Variants in TAFA1 observed in about 807,000 individuals in gnomAD.
TAFA1 encodes chemokine-like protein TAFA-1.
A neutral mutation model predicts 18.5 loss-of-function variants in TAFA1; 4 were observed. That is an observed-to-expected ratio of 0.22 (90% CI 0.11 to 0.49). The LOEUF (loss-of-function observed/expected upper bound fraction) is 0.49. TAFA1 is among the 20% of genes least tolerant of loss of function. The pLI is 0.98. For missense variants in TAFA1, 147 were observed against 169.0 expected, an observed-to-expected ratio of 0.87 and a Z score of 0.72; for synonymous variants, 56 against 55.2, an observed-to-expected ratio of 1.01 and a Z score of -0.06.
At chr3:68,204,527 A>G (rs1023744952) in intron 2 of TAFA1, among the ~76,000 whole-genome samples, 1 of 151,708 alleles carries the variant, frequency 6.6e-6, no homozygotes, top group Non-Finnish European at 1.5e-5. Context: ...GAGGGAGGGA[A>G]GGGATTTTTT....
At chr3:68,248,102 T>C (rs1363070659) in intron 2 of TAFA1, among the ~76,000 whole-genome samples, 1 of 152,196 alleles carries the variant, frequency 6.6e-6, no homozygotes. Flanking sequence ...GTTTAGACTT[T>C]GAGAATAGGG....
intron 2 of TAFA1, among the ~76,000 whole-genome samples, chr3:68,243,635 C>G (rs2067031039): frequency 6.6e-6 from 1 of 152,068 alleles, no homozygotes; most frequent in African/African-American, 2.4e-5. Context: ...TAGTTCATTT[C>G]TTTTTATGGC....
intron 2 of TAFA1, among the ~76,000 whole-genome samples, chr3:68,312,911 T>C (rs1287486607): frequency 3.3e-5 from 5 of 152,184 alleles, no homozygotes. Context: ...GACTTACAGT[T>C]CCACATGGCT....
At chr3:68,111,249 A>T (rs72922426) in intron 2 of TAFA1, among the ~76,000 whole-genome samples, 6,246 of 152,246 alleles carry the variant, frequency 0.041, 395 homozygotes, top group African/African-American at 0.14. Flanking sequence ...CTGACTTTTC[A>T]ACCGAAATAA....
At chr3:68,391,112 G>A (rs1269525201) in intron 2 of TAFA1, among the ~76,000 whole-genome samples, 1 of 152,108 alleles carries the variant, frequency 6.6e-6, no homozygotes, top group African/African-American at 2.4e-5. Flanking sequence ...TAAGAACCTT[G>A]ATAAAAGGTT....
intron 3 of TAFA1, among the ~76,000 whole-genome samples, chr3:68,434,249 G>C (rs17047725): frequency 0.04 from 6,034 of 152,110 alleles, 155 homozygotes; most frequent in East Asian, 0.091. Flanking sequence ...ACTTGAGATT[G>C]GTGTGGACTA....
intron 3 of TAFA1, among the ~76,000 whole-genome samples, chr3:68,519,268 T>C (rs2072977834): frequency 6.6e-6 from 1 of 152,302 alleles, no homozygotes; most frequent in Non-Finnish European, 1.5e-5. Flanking sequence ...CTTTCTGCCA[T>C]GTAAGGATAC....
Position 68,006,618 on chromosome 3 carries a change from C to T in TAFA1, c.-3-6C>T, listed in dbSNP as rs764710647. 8 of 1,604,680 alleles carry T rather than the reference C, an allele frequency of 5.0e-6. 1 individual carries two copies. The South Asian group carries it at 5.5e-5, about 11-fold the overall frequency. On this transcript the variant is annotated splice_polypyrimidine_tract_variant and splice_region_variant and intron_variant, in intron 1 of 4. Transcript: ENST00000478136. ...GGTAACCTTTCCTGTCGAATGTTCT[C>T]TTTAGAGAATGGCAATGGTCTCTGC... is the stretch of plus-strand genomic sequence containing the variant.
intron 2 of TAFA1, among the ~76,000 whole-genome samples, chr3:68,323,259 C>T (rs1283491376): frequency 1.3e-5 from 2 of 152,142 alleles, no homozygotes; most frequent in Non-Finnish European, 2.9e-5. Context: ...AGGATTTATG[C>T]AGCCACCTGT....
chr3:68,429,442 G>T (rs2071124306), intron 3 of TAFA1, among the ~76,000 whole-genome samples: 1 of 151,860 alleles, frequency 6.6e-6, no homozygotes, highest in African/African-American at 2.4e-5. Flanking sequence ...ACATGGTAGG[G>T]ATAGACATGG....
intron 2 of TAFA1, among the ~76,000 whole-genome samples, chr3:68,287,510 A>AT (rs1218597804): frequency 4.6e-5 from 7 of 152,086 alleles, no homozygotes; most frequent in Non-Finnish European, 1.0e-4. Context: ...GACAGGGAGC[A>AT]TTAAGCACCA....
At chr3:68,461,714 C>A (rs1478151713) in intron 3 of TAFA1, among the ~76,000 whole-genome samples, 1 of 151,352 alleles carries the variant, frequency 6.6e-6, no homozygotes, top group Non-Finnish European at 1.5e-5. Flanking sequence ...GCCTGTAGTC[C>A]CAGTTGTCTT....
chr3:68,532,348 A>G (rs747302678), intron 3 of TAFA1, among the ~76,000 whole-genome samples: 15 of 152,158 alleles, frequency 9.9e-5, no homozygotes, highest in Non-Finnish European at 1.8e-4. Flanking sequence ...ATCTGGGAGC[A>G]CTCTCAGAAA....
chr3:68,516,673 G>A (rs9846667), intron 3 of TAFA1, among the ~76,000 whole-genome samples: 32,182 of 152,124 alleles, frequency 0.21, 3,612 homozygotes, highest in Admixed American at 0.25. Flanking sequence ...GGAATGTTTC[G>A]TTGTGTTCAG....
chr3:68,286,072 G>A (rs1159929296), intron 2 of TAFA1, among the ~76,000 whole-genome samples: 5 of 151,872 alleles, frequency 3.3e-5, no homozygotes, highest in Admixed American at 6.6e-5. Flanking sequence ...TTAGCTGGGC[G>A]TGGTGGCATG....
chr3:68,142,751 C>G (rs1268501449), intron 2 of TAFA1, among the ~76,000 whole-genome samples: 1 of 152,176 alleles, frequency 6.6e-6, no homozygotes, highest in Non-Finnish European at 1.5e-5. Context: ...AATTGCTCAG[C>G]TCTGAATCTC....
At chr3:68,037,354 G>A (rs763200618) in intron 2 of TAFA1, among the ~76,000 whole-genome samples, 49 of 152,264 alleles carry the variant, frequency 3.2e-4, no homozygotes, top group East Asian at 1.5e-3. Context: ...TCATGTCGAA[G>A]AATTTGTACT....
At chr3:68,264,906 C>A (rs968095231) in intron 2 of TAFA1, among the ~76,000 whole-genome samples, 3 of 151,976 alleles carry the variant, frequency 2.0e-5, no homozygotes, top group South Asian at 2.1e-4. Context: ...GTTTTTTAAA[C>A]AAATTTACAT....
Position 68,486,102 on chromosome 3 carries a change from GTTTTATTTTA to G in TAFA1, c.260-52619_260-52610del, listed in dbSNP as rs528561242. Among the ~76,000 whole-genome samples the G allele has an allele frequency of 1.6e-3, 195 of 121,324 alleles. 1 individual carries two copies. The highest frequency in any genetic ancestry group is 4.9e-3 in the South Asian group (18 of 3,676). The allele number at this position is 121,324 out of a possible 152,430, so 79.6% of individuals were successfully genotyped here. ...ATTTTATTTTATTTTATTTTATTTT[GTTTTATTTTA>G]TTTTATTTTATTTTATTTTATTTTA... On this transcript the variant is annotated intron_variant, in intron 3 of 4. Coordinates refer to ENST00000478136, the MANE Select transcript of TAFA1 (RefSeq NM_213609.4).
Sources: allele counts gnomAD v4.1 joint callset (sites outside exome capture counted in the v4.1 genomes callset), GRCh38; gene constraint gnomAD v4.1.1; transcripts MANE v1.5; gene names NCBI Gene and HGNC (gene_info 2026-07-23, HGNC 2026-07-21).